ELP3: variants seen among roughly 807,000 people sequenced by gnomAD.
The protein encoded by ELP3 is elongator complex protein 3.
Under a neutral mutation model 74.9 loss-of-function variants are expected in ELP3, and 56 were observed. The observed-to-expected ratio is 0.75, with a 90% CI of 0.60 to 0.93. ELP3 has a LOEUF of 0.93. Among genes scored for constraint, ELP3 ranks in the 40% least tolerant of loss-of-function variants. The pLI is 0.00. For synonymous variants in ELP3, 222 were observed against 239.8 expected (o/e 0.93, Z 0.68); for missense variants, 573 against 686.5 (o/e 0.83, Z 1.85).
At chr8:28,173,345 T>A (rs1308853323) in intron 14 of ELP3, among the ~76,000 whole-genome samples, 1 of 152,022 alleles carries the variant, frequency 6.6e-6, no homozygotes, top group East Asian at 1.9e-4. Flanking sequence ...AGTTTTTATG[T>A]TTCTAGAAAT....
chr8:28,130,534 G>A lies in ELP3; in HGVS notation c.779+871G>A, dbSNP rs1812749557. ...AGATCTGTTGAATATTTTTTAGCAT[G>A]GGGAAGAATCTCATGGATATCATGT... is the stretch of plus-strand genomic sequence containing the variant. On this transcript the variant is annotated intron_variant, in intron 8 of 14. Coordinates refer to ENST00000256398, the MANE Select transcript of ELP3 (RefSeq NM_018091.6). Among the ~76,000 whole-genome samples the A allele has an allele frequency of 1.3e-5, 2 of 152,208 alleles. 1 individual carries two copies. The highest frequency in any genetic ancestry group is 4.8e-5 in the African/African-American group (2 of 41,434).
chr8:28,183,875 G>A (rs778048011), intron 14 of ELP3, among the ~76,000 whole-genome samples: 5 of 152,244 alleles, frequency 3.3e-5, no homozygotes, highest in Admixed American at 6.5e-5. Flanking sequence ...GCCTGTGGGC[G>A]CCTCTCCTCT....
chr8:28,131,533 G>C (rs1001116754), intron 8 of ELP3, among the ~76,000 whole-genome samples: 4 of 152,246 alleles, frequency 2.6e-5, no homozygotes, highest in African/African-American at 9.6e-5. Context: ...CATTCTGAGA[G>C]AGTGAGATGG....
chr8:28,164,922 G>C (rs1351673601), intron 14 of ELP3, among the ~76,000 whole-genome samples: 2 of 152,076 alleles, frequency 1.3e-5, no homozygotes, highest in Non-Finnish European at 2.9e-5. Flanking sequence ...TTTGTAAATA[G>C]GCAGTTATTC....
intron 14 of ELP3, among the ~76,000 whole-genome samples, chr8:28,181,602 A>G (rs4732837): frequency 0.072 from 10,983 of 152,350 alleles, 788 homozygotes; most frequent in East Asian, 0.33. Context: ...ATCAAGACAA[A>G]TGGCAAGTTC....
In ELP3 at chr8:28,190,057, A is replaced by G. The variant is rs892987106; in HGVS notation, c.*332A>G. 6 of 226,602 alleles carry G rather than the reference A, an allele frequency of 2.6e-5. No individual in the cohort carries two copies. Among genetic ancestry groups the G allele is most frequent in the Middle Eastern group, 1.5e-3 (1 of 676 alleles). 14.0% of individuals were successfully genotyped at this position (226,602 alleles called of 1,614,324 possible). ...AAGCAAATTAACTCATTTGGACACCATAACTCATGCAATAAAACTGATTGT... is the reference window on the plus strand; with the variant it reads ...AAGCAAATTAACTCATTTGGACACCGTAACTCATGCAATAAAACTGATTGT... On this transcript the variant is annotated 3_prime_UTR_variant, in exon 15 of 15. Transcript: ENST00000256398.
At chr8:28,097,192 T>A in intron 1 of ELP3, 27 bp from the exon 2 acceptor site, 1 of 1,486,502 alleles carries the variant, frequency 6.7e-7, no homozygotes, top group African/African-American at 1.4e-5. Flanking sequence ...ATACGATTTT[T>A]GACATTGTTG....
Position 28,173,629 on chromosome 8 carries a change from C to CT in ELP3, c.1567+11560dup, listed in dbSNP as rs141610637. Among the ~76,000 whole-genome samples the CT allele has an allele frequency of 5.9e-3, 878 of 147,940 alleles. 12 individuals are homozygous for CT. Among genetic ancestry groups the CT allele is most frequent in the African/African-American group, 0.02 (811 of 40,326 alleles). ...CTGCTAGCTTTGGGTTTTGTTTGCT[C>CT]TTTTTTTTTCTAGTTCCTTAAGGTG... is the stretch of plus-strand genomic sequence containing the variant. On this transcript the variant is annotated intron_variant, in intron 14 of 14. Coordinates refer to ENST00000256398, the MANE Select transcript of ELP3 (RefSeq NM_018091.6).
At chr8:28,121,867 T>TA (rs1280716141) in intron 7 of ELP3, among the ~76,000 whole-genome samples, 1 of 152,242 alleles carries the variant, frequency 6.6e-6, no homozygotes, top group Non-Finnish European at 1.5e-5. Flanking sequence ...GACCTTTTCT[T>TA]ACAGTGTTAA....
chr8:28,174,930 A>T (rs1030135281), intron 14 of ELP3, among the ~76,000 whole-genome samples: 1 of 152,020 alleles, frequency 6.6e-6, no homozygotes, highest in African/African-American at 2.4e-5. Context: ...TGATTGGCAG[A>T]TTTACTTTTT....
intron 7 of ELP3, among the ~76,000 whole-genome samples, chr8:28,117,456 A>G (rs540422331): frequency 6.6e-6 from 1 of 152,264 alleles, no homozygotes; most frequent in South Asian, 2.1e-4. Flanking sequence ...TGGAAGAGAA[A>G]TCCTCTTTCA....
At chr8:28,178,283 C>T (rs950144855) in intron 14 of ELP3, among the ~76,000 whole-genome samples, 1 of 152,182 alleles carries the variant, frequency 6.6e-6, no homozygotes, top group African/African-American at 2.4e-5. Context: ...GGGGGATACA[C>T]ATTCGGACCA....
In ELP3 at chr8:28,097,251, A is replaced by C; in HGVS notation, c.52A>C (p.Thr18Pro). Residue 18 changes from threonine (T) to proline (P), a missense_variant, in exon 2 of 15, where the codon ACT (threonine) becomes CCT (proline). Physicochemically the swap from Thr to Pro is conservative, Grantham distance 38 (BLOSUM62 -1). Transcript: ENST00000256398. ...DLSPAELMML[T>P]IGDVIKQLIE... is the part of the protein sequence containing the mutation. Reference sequence around the variant, plus strand: ...CAGCCCTGCTGAGCTGATGATGCTGACTATAGGAGATGTTATTAAACAACT... The same window carrying C: ...CAGCCCTGCTGAGCTGATGATGCTGCCTATAGGAGATGTTATTAAACAACT... 6.2e-7 allele frequency: 1 copy of C among 1,613,862 alleles called. No individual in the cohort carries two copies. The highest frequency in any genetic ancestry group is 8.5e-7 in the Non-Finnish European group (1 of 1,179,884).
At chr8:28,117,064 G>T (rs956268222) in intron 7 of ELP3, among the ~76,000 whole-genome samples, 2 of 151,948 alleles carry the variant, frequency 1.3e-5, no homozygotes, top group Non-Finnish European at 2.9e-5. Context: ...CTCATTTCTT[G>T]GACCTTAATA....
intron 11 of ELP3, among the ~76,000 whole-genome samples, chr8:28,157,352 A>T (rs1813872508): frequency 6.6e-6 from 1 of 152,072 alleles, no homozygotes; most frequent in Middle Eastern, 3.2e-3. Flanking sequence ...ACAGTAATAC[A>T]TTCCCATGCT....
intron 14 of ELP3, 27 bp downstream of exon 14, chr8:28,162,105 A>G (rs776397221): frequency 1.0e-4 from 168 of 1,610,280 alleles, no homozygotes; most frequent in Non-Finnish European, 1.4e-4. Context: ...GAAGTTCATG[A>G]TTCCTTCCCA....
chr8:28,106,396 C>T (rs1216862931), intron 3 of ELP3, among the ~76,000 whole-genome samples: 7 of 151,498 alleles, frequency 4.6e-5, no homozygotes, highest in Admixed American at 3.9e-4. Context: ...AAAAATTAGC[C>T]GGGCGTAGTG....
intron 3 of ELP3, among the ~76,000 whole-genome samples, chr8:28,103,682 G>A (rs1811578102): frequency 2.0e-5 from 3 of 152,214 alleles, no homozygotes; most frequent in African/African-American, 4.8e-5. Context: ...GCACTCTGAT[G>A]TTCCACATCC....
intron 6 of ELP3, chr8:28,110,721 G>GT (rs1811884940): frequency 3.3e-6 from 1 of 307,430 alleles, no homozygotes; most frequent in East Asian, 8.2e-5. Context: ...GTGGAATAAA[G>GT]ATGTATGAAA....
Sources: gnomAD v4.1 joint callset for allele counts (sites outside exome capture counted in the v4.1 genomes callset) on GRCh38, gnomAD v4.1.1 for gene constraint, MANE v1.5 for transcripts, NCBI Gene and HGNC (gene_info 2026-07-23, HGNC 2026-07-21) for gene names.